Variants in RAP1GAP2 observed in about 807,000 individuals in gnomAD.
The protein encoded by RAP1GAP2 is rap1 GTPase-activating protein 2.
A neutral mutation model predicts 95.0 loss-of-function variants in RAP1GAP2; 27 were observed. The ratio of observed to expected loss-of-function variants is 0.28; its 90% CI spans 0.21 to 0.39. The LOEUF (loss-of-function observed/expected upper bound fraction) is 0.39, where lower values mean the gene tolerates loss of function less well. Among genes scored for constraint, RAP1GAP2 ranks in the 10% least tolerant of loss-of-function variants. RAP1GAP2 has a pLI of 1.00. For synonymous variants in RAP1GAP2, 373 were observed against 380.9 expected, an observed-to-expected ratio of 0.98 and a Z score of 0.24; for missense variants, 771 against 970.0, an observed-to-expected ratio of 0.79 and a Z score of 2.72.
At position 2,904,235 on chromosome 17, in the gene RAP1GAP2, C is replaced by T. The variant is rs541786377; in HGVS notation, c.81-1049C>T. 2.6e-5 allele frequency among the ~76,000 whole-genome samples: 4 copies of T among 152,172 alleles called. No homozygotes were observed. The highest frequency in any genetic ancestry group is 5.9e-5 in the Non-Finnish European group (4 of 68,032). On this transcript the variant is annotated intron_variant, in intron 2 of 24. Coordinates refer to ENST00000254695, the MANE Select transcript of RAP1GAP2 (RefSeq NM_015085.5). This position sits in a 1 kb window ranked among gnomAD's most constrained non-coding sequence, Gnocchi z 4.7. ...CTGGAGTCCCTCACCCGGGAATTCC[C>T]CAGGCTCTGCCCAGCTGGCCCTGTT...
chr17:3,008,041 C>A lies in RAP1GAP2; in HGVS notation c.1390C>A (p.Leu464Ile), dbSNP rs1315358604. The A allele has an allele frequency of 4.3e-6, 7 of 1,613,838 alleles. No individual in the cohort carries two copies. Among genetic ancestry groups the A allele is most frequent in the Non-Finnish European group, 5.1e-6 (6 of 1,179,860 alleles). The change falls in exon 17 of 25, where the codon CTT (leucine) becomes ATT (isoleucine). Residue 464 changes from leucine (L) to isoleucine (I), a missense_variant. Leu to Ile is a conservative substitution (Grantham distance 5). Transcript: ENST00000254695. The surrounding 1 kb of genome is among the most constrained non-coding windows in gnomAD (Gnocchi z 4.2). ...DRTRAALLDN[L>I]HDELHAHTQA... ...GACCAGGGCTGCCCTCCTGGACAACCTTCACGATGAGCTCCACGCCCACAC... is the reference window on the plus strand; with the variant it reads ...GACCAGGGCTGCCCTCCTGGACAACATTCACGATGAGCTCCACGCCCACAC...
At chr17:2,820,710 A>G (rs1253492267) in intron 2 of RAP1GAP2, among the ~76,000 whole-genome samples, 1 of 150,564 alleles carries the variant, frequency 6.6e-6, no homozygotes, top group African/African-American at 2.4e-5. Flanking sequence ...TTTGATTTTC[A>G]TGTTGATTTG....
Position 2,904,863 on chromosome 17 carries a change from A to G in RAP1GAP2, c.81-421A>G, listed in dbSNP as rs550319105. 2.0e-5 allele frequency among the ~76,000 whole-genome samples: 3 copies of G among 151,856 alleles called. No homozygotes were observed. Among genetic ancestry groups the G allele is most frequent in the African/African-American group, 4.8e-5 (2 of 41,408 alleles). On this transcript the variant is annotated intron_variant, in intron 2 of 24. Transcript: ENST00000254695. This position sits in a 1 kb window ranked among gnomAD's most constrained non-coding sequence, Gnocchi z 4.7. ...CATTGGAGTAAAGAAAATGCTCCCAATTCTGGTTTCTGCATTGTATTTTTT... is the reference window on the plus strand; with the variant it reads ...CATTGGAGTAAAGAAAATGCTCCCAGTTCTGGTTTCTGCATTGTATTTTTT...
chr17:2,791,445 C>A (rs2068921878), upstream of RAP1GAP2, among the ~76,000 whole-genome samples: 1 of 152,202 alleles, frequency 6.6e-6, no homozygotes, highest in Admixed American at 6.5e-5. Context: ...ATTCTCTCCC[C>A]AGTGATGAGC....
chr17:2,996,614 C>T (rs9915744), intron 13 of RAP1GAP2, among the ~76,000 whole-genome samples: 8,693 of 152,318 alleles, frequency 0.057, 272 homozygotes, highest in Middle Eastern at 0.085. Context: ...TCACCTCCAG[C>T]CCCTCTGTTC....
intron 11 of RAP1GAP2, among the ~76,000 whole-genome samples, chr17:2,987,244 G>C (rs1294598693): frequency 6.6e-6 from 1 of 152,186 alleles, no homozygotes; most frequent in Non-Finnish European, 1.5e-5. Flanking sequence ...CCATATCCAG[G>C]ATCTGTATCA....
chr17:3,023,545 T>C (rs1451278545), intron 19 of RAP1GAP2, among the ~76,000 whole-genome samples: 1 of 152,172 alleles, frequency 6.6e-6, no homozygotes, highest in African/African-American at 2.4e-5. Flanking sequence ...AAAGCTCTGT[T>C]TGGAACCTGT....
At chr17:2,838,087 C>T (rs562089482) in intron 2 of RAP1GAP2, among the ~76,000 whole-genome samples, 13 of 131,204 alleles carry the variant, frequency 9.9e-5, no homozygotes, top group Admixed American at 3.5e-4. Context: ...GGTGCGATCT[C>T]GGCTCACTGC....
chr17:2,855,260 GA>G lies in RAP1GAP2; in HGVS notation c.81-50021del, dbSNP rs1444825526. 6.6e-6 allele frequency among the ~76,000 whole-genome samples: 1 copy of G among 152,220 alleles called. No homozygotes were observed. Among genetic ancestry groups the G allele is most frequent in the East Asian group, 1.9e-4 (1 of 5,198 alleles). ...AAAATGACATAAGGTGGTTCAGCAT[GA>G]AATAACATTGAGTCACCTAGTGAGA... On this transcript the variant is annotated intron_variant, in intron 2 of 24. Coordinates refer to ENST00000254695, the MANE Select transcript of RAP1GAP2 (RefSeq NM_015085.5). The surrounding 1 kb of genome is among the most constrained non-coding windows in gnomAD (Gnocchi z 4.3).
chr17:2,852,350 G>T (rs1273126972), intron 2 of RAP1GAP2, among the ~76,000 whole-genome samples: 2 of 149,386 alleles, frequency 1.3e-5, no homozygotes, highest in Non-Finnish European at 1.5e-5. Flanking sequence ...GGGTGGGGGT[G>T]GGGGGCACAA....
intron 2 of RAP1GAP2, among the ~76,000 whole-genome samples, chr17:2,822,007 C>T (rs956611575): frequency 2.6e-5 from 4 of 152,078 alleles, no homozygotes; most frequent in Non-Finnish European, 4.4e-5. Flanking sequence ...CCAGTGCCAC[C>T]GGGTGGTGCT....
intron 3 of RAP1GAP2, among the ~76,000 whole-genome samples, chr17:2,931,617 A>G (rs759257058): frequency 2.0e-5 from 3 of 152,238 alleles, no homozygotes; most frequent in African/African-American, 4.8e-5. Flanking sequence ...TAAAGCCCCC[A>G]TGCGGTTGTT....
At chr17:2,951,479 G>C (rs1230570811) in intron 3 of RAP1GAP2, among the ~76,000 whole-genome samples, 1 of 152,216 alleles carries the variant, frequency 6.6e-6, no homozygotes, top group Non-Finnish European at 1.5e-5. Flanking sequence ...AGCACTTTGG[G>C]AGGCTGAGGC....
intron 1 of RAP1GAP2, among the ~76,000 whole-genome samples, chr17:2,781,855 G>T (rs12937523): frequency 7.8e-4 from 54 of 69,238 alleles, no homozygotes; most frequent in East Asian, 2.7e-3. Context: ...TCTCTGTGTG[G>T]GCAGGTCTCT....
intron 2 of RAP1GAP2, among the ~76,000 whole-genome samples, chr17:2,882,493 C>A (rs180777452): frequency 6.6e-6 from 1 of 151,716 alleles, no homozygotes; most frequent in Non-Finnish European, 1.5e-5. Context: ...GGTTTCGCCA[C>A]GTTGGCCAGG....
At chr17:2,763,199 G>T (rs933119042) in intron 1 of RAP1GAP2, among the ~76,000 whole-genome samples, 1 of 152,300 alleles carries the variant, frequency 6.6e-6, no homozygotes, top group African/African-American at 2.4e-5. Context: ...GATCATCTGT[G>T]TCAGAGCATT....
In RAP1GAP2 at chr17:2,985,088, G is replaced by A. The variant is rs369303939; in HGVS notation, c.813+22G>A. Reference sequence around the variant, plus strand: ...GCAGGTAAGCAGCACCATCCATACCGGTGACTGTATCCCGTGGTTTCTCAC... The same window carrying A: ...GCAGGTAAGCAGCACCATCCATACCAGTGACTGTATCCCGTGGTTTCTCAC... On this transcript the variant is annotated intron_variant, in intron 11 of 24. Coordinates refer to ENST00000254695, the MANE Select transcript of RAP1GAP2 (RefSeq NM_015085.5). The A allele has an allele frequency of 5.4e-4, 866 of 1,612,876 alleles. 1 individual carries two copies. Among genetic ancestry groups the A allele is most frequent in the Non-Finnish European group, 6.9e-4 (813 of 1,179,624 alleles).
At position 2,764,945 on chromosome 17, in the gene RAP1GAP2, C is replaced by T. The variant is rs528441882; in HGVS notation, c.51-5384C>T. 5.3e-5 allele frequency among the ~76,000 whole-genome samples: 8 copies of T among 152,174 alleles called. No individual in the cohort carries two copies. In the East Asian group the frequency reaches 1.5e-3, roughly 29 times the overall value. On this transcript the variant is annotated intron_variant, in intron 1 of 25. Transcript: ENST00000637138. ...AGAGTCTGTCACCCAGGGCTGAATT[C>T]TGAGGAACCCAACGATGGGGAAAGT...
At chr17:2,936,085 C>T (rs1421999742) in intron 3 of RAP1GAP2, among the ~76,000 whole-genome samples, 2 of 150,852 alleles carry the variant, frequency 1.3e-5, no homozygotes, top group South Asian at 4.2e-4. Context: ...CTCCAGTGGC[C>T]GGTGGCCAGT....
Sources: gnomAD v4.1 joint callset for allele counts (sites outside exome capture counted in the v4.1 genomes callset) on GRCh38, gnomAD v4.1.1 for gene constraint, Gnocchi (gnomAD v3.1) non-coding constraint, MANE v1.5 for transcripts, NCBI Gene and HGNC (gene_info 2026-07-23, HGNC 2026-07-21) for gene names.